LRRC1: variants seen among roughly 807,000 people sequenced by gnomAD.
LRRC1 encodes the protein leucine rich repeat containing 1, also known as leucine-rich repeat-containing protein 1.
A neutral mutation model predicts 69.9 loss-of-function variants in LRRC1; 28 were observed. That is an observed-to-expected ratio of 0.40 (90% CI 0.30 to 0.55). LRRC1 has a LOEUF of 0.55. Ranked by LOEUF, LRRC1 falls within the 20% of genes least tolerant of loss-of-function variation. The pLI is 0.47. For synonymous variants in LRRC1, 236 were observed against 240.2 expected (o/e 0.98, Z 0.16); for missense variants, 498 against 609.0 (o/e 0.82, Z 1.92).
chr6:53,895,885 C>G (rs1767853012), intron 4 of LRRC1, among the ~76,000 whole-genome samples: 1 of 152,216 alleles, frequency 6.6e-6, no homozygotes, highest in Non-Finnish European at 1.5e-5. Context: ...TTAAATCAGT[C>G]CGTGTTCCAG....
rs192605973 is a variant in LRRC1, at chr6:53,897,541, C to T, written c.642+182C>T. ...ATCATTCTCCATTGCCATATAAAAA[C>T]TGAAAACCTCAACCCACCATTTGTA... On this transcript the variant is annotated intron_variant, in intron 7 of 13. Transcript: ENST00000370888. Among the ~76,000 whole-genome samples the T allele has an allele frequency of 2.0e-5, 3 of 152,288 alleles. No homozygotes were observed. In the East Asian group the frequency reaches 5.8e-4, roughly 29 times the overall value.
intron 2 of LRRC1, among the ~76,000 whole-genome samples, chr6:53,844,933 G>A (rs924273766): frequency 2.0e-5 from 3 of 152,156 alleles, no homozygotes; most frequent in African/African-American, 4.8e-5. Context: ...GGCTGGGTGC[G>A]GTGGCTCACG....
chr6:53,849,556 C>T (rs1255165262), intron 2 of LRRC1, among the ~76,000 whole-genome samples: 1 of 152,174 alleles, frequency 6.6e-6, no homozygotes, highest in Non-Finnish European at 1.5e-5. Flanking sequence ...TGGATGGCAT[C>T]TTTTTGTCAG....
chr6:53,819,425 A>C (rs1765050629), intron 1 of LRRC1, among the ~76,000 whole-genome samples: 1 of 152,184 alleles, frequency 6.6e-6, no homozygotes, highest in Non-Finnish European at 1.5e-5. Context: ...TTTTCACAGA[A>C]GTGACTAAAT....
intron 4 of LRRC1, among the ~76,000 whole-genome samples, chr6:53,894,300 C>T (rs1038953086): frequency 7.2e-5 from 11 of 152,194 alleles, no homozygotes; most frequent in African/African-American, 2.2e-4. Flanking sequence ...TCACAGAAGG[C>T]GCCCTGCACA....
At chr6:53,803,439 A>G (rs9395878) in intron 1 of LRRC1, among the ~76,000 whole-genome samples, 29,701 of 152,054 alleles carry the variant, frequency 0.2, 3,408 homozygotes, top group East Asian at 0.5. Context: ...AGGGGTGATG[A>G]GACCATGGGC....
intron 1 of LRRC1, among the ~76,000 whole-genome samples, chr6:53,819,094 A>T (rs929922032): frequency 6.6e-5 from 10 of 152,180 alleles, no homozygotes; most frequent in Non-Finnish European, 1.2e-4. Context: ...GCTCTATGGG[A>T]TCGGAAACTA....
At chr6:53,849,605 G>A (rs542294078) in intron 2 of LRRC1, among the ~76,000 whole-genome samples, 4 of 152,168 alleles carry the variant, frequency 2.6e-5, no homozygotes, top group East Asian at 1.9e-4. Context: ...TGCAAACAGC[G>A]CTCTCCTCTT....
intron 4 of LRRC1, among the ~76,000 whole-genome samples, 188 bp from the exon 5 acceptor site, chr6:53,896,310 G>A (rs1562064442): frequency 6.6e-6 from 1 of 152,146 alleles, no homozygotes; most frequent in Non-Finnish European, 1.5e-5. Flanking sequence ...ATTACAATTT[G>A]AGAGGTAGAG....
At chr6:53,822,588 G>A (rs1765146573) in intron 1 of LRRC1, among the ~76,000 whole-genome samples, 1 of 152,222 alleles carries the variant, frequency 6.6e-6, no homozygotes, top group Admixed American at 6.5e-5. Context: ...CTTTAGGCCA[G>A]GCCCTGATAA....
intron 1 of LRRC1, among the ~76,000 whole-genome samples, chr6:53,800,647 T>C (rs1285112569): frequency 1.4e-5 from 2 of 143,976 alleles, no homozygotes; most frequent in African/African-American, 2.5e-5. Flanking sequence ...TCAATAATAC[T>C]TTTTTTTTTT....
At chr6:53,846,612 C>G (rs1161001610) in intron 2 of LRRC1, among the ~76,000 whole-genome samples, 1 of 151,986 alleles carries the variant, frequency 6.6e-6, no homozygotes, top group East Asian at 1.9e-4. Flanking sequence ...AGGCAAATGT[C>G]TAAAACATAT....
In LRRC1 at chr6:53,917,004, A is replaced by G. The variant is rs77944104; in HGVS notation, c.1107-2494A>G. ...ATGTGGTCCTAAATAGAACACAGAG[A>G]TGCCTGCGGGCTGTGGTTTCTTGTG... is the stretch of plus-strand genomic sequence containing the variant. On this transcript the variant is annotated intron_variant, in intron 11 of 13. Transcript: ENST00000370888. Among the ~76,000 whole-genome samples, 1,186 of 152,300 alleles carry G rather than the reference A, an allele frequency of 7.8e-3. 14 individuals are homozygous for G. The highest frequency in any genetic ancestry group is 0.026 in the African/African-American group (1,074 of 41,554).
At chr6:53,845,545 C>A (rs539469288) in intron 2 of LRRC1, among the ~76,000 whole-genome samples, 9 of 152,112 alleles carry the variant, frequency 5.9e-5, no homozygotes, top group African/African-American at 2.2e-4. Flanking sequence ...ACTTTCTGAT[C>A]AGAAGCTGTT....
intron 13 of LRRC1, among the ~76,000 whole-genome samples, chr6:53,922,253 T>TA (rs1259521033): frequency 2.0e-5 from 3 of 152,172 alleles, no homozygotes; most frequent in Non-Finnish European, 2.9e-5. Flanking sequence ...TATAGTGACT[T>TA]TAATTTAGGA....
Position 53,913,890 on chromosome 6 carries a change from C to T in LRRC1, c.1027C>T (p.Arg343Cys). The change falls in exon 11 of 14, where the codon CGT (arginine) becomes TGT (cysteine). Residue 343 changes from arginine to cysteine, a missense_variant. Arg to Cys is a radical substitution (Grantham distance 180). Transcript: ENST00000370888. ...GCCSLTVFCV[R>C]DNRLTRIPAE... ...CTGCAGCCTCACTGTGTTCTGTGTACGTGACAACAGACTAACTCGGATACC... is the reference window on the plus strand; with the variant it reads ...CTGCAGCCTCACTGTGTTCTGTGTATGTGACAACAGACTAACTCGGATACC... The T allele has an allele frequency of 1.9e-6, 3 of 1,612,286 alleles. No individual in the cohort carries two copies. The highest frequency in any genetic ancestry group is 2.5e-6 in the Non-Finnish European group (3 of 1,178,710).
intron 11 of LRRC1, among the ~76,000 whole-genome samples, chr6:53,914,270 G>A (rs1048071570): frequency 1.3e-5 from 2 of 151,886 alleles, no homozygotes; most frequent in Non-Finnish European, 2.9e-5. Context: ...CTGAGAATGG[G>A]GAGACTTGGG....
intron 2 of LRRC1, among the ~76,000 whole-genome samples, chr6:53,869,516 C>T (rs1419547411): frequency 1.3e-5 from 2 of 152,276 alleles, no homozygotes; most frequent in East Asian, 1.9e-4. Context: ...TGGCACTAAG[C>T]GGTTTTCTTA....
intron 2 of LRRC1, among the ~76,000 whole-genome samples, chr6:53,848,996 AT>A (rs1278748529): frequency 1.3e-5 from 2 of 150,070 alleles, no homozygotes; most frequent in African/African-American, 4.9e-5. Context: ...ACCTTAGGTG[AT>A]CCACCCACCT....
Sources: allele counts gnomAD v4.1 joint callset (sites outside exome capture counted in the v4.1 genomes callset), GRCh38; gene constraint gnomAD v4.1.1; transcripts MANE v1.5; gene names NCBI Gene and HGNC (gene_info 2026-07-23, HGNC 2026-07-21).